MYO3B: variants seen among roughly 807,000 people sequenced by gnomAD.
MYO3B encodes the protein myosin-IIIb.
Under a neutral mutation model 174.6 loss-of-function variants are expected in MYO3B, and 156 were observed. That is an observed-to-expected ratio of 0.89 (90% CI 0.78 to 1.02). The LOEUF (loss-of-function observed/expected upper bound fraction) is 1.02, where lower values mean the gene tolerates loss of function less well. MYO3B is among the 50% of genes least tolerant of loss of function. The pLI is 0.00. For synonymous variants in MYO3B, 563 were observed against 569.1 expected (o/e 0.99, Z 0.15); for missense variants, 1,632 against 1,639.4 (o/e 1.00, Z 0.08).
chr2:170,499,933 CCCTTCCTTCCTTCCTTCTTT>C (rs529587493), intron 27 of MYO3B, 125 bp downstream of exon 27: 8,164 of 696,714 alleles, frequency 0.012, 74 homozygotes, highest in Non-Finnish European at 0.015. Context: ...CTCCCTCCCT[CCCTTCCTTCCTTCCTTCTTT>C]CCTTCCTTCC....
At chr2:170,499,536 A>G (rs1687088675) in intron 26 of MYO3B, 110 bp from the exon 27 acceptor site, 1 of 1,000,590 alleles carries the variant, frequency 1.0e-6, no homozygotes, top group African/African-American at 1.7e-5. Context: ...ACATCGCTAT[A>G]AACTTTATTT....
At chr2:170,195,047 C>T (rs2092583323) in intron 1 of MYO3B, among the ~76,000 whole-genome samples, 1 of 151,914 alleles carries the variant, frequency 6.6e-6, no homozygotes, top group Non-Finnish European at 1.5e-5. Context: ...TTAGATGGTC[C>T]CACCTAGATT....
chr2:170,483,442 A>G (rs898346630), intron 25 of MYO3B, among the ~76,000 whole-genome samples: 1 of 100,690 alleles, frequency 9.9e-6, no homozygotes, highest in African/African-American at 6.8e-5. Context: ...GCTGGAGTGC[A>G]GTGGCGCGAT....
chr2:170,572,479 G>A (rs4668282), intron 32 of MYO3B, among the ~76,000 whole-genome samples: 9,377 of 151,486 alleles, frequency 0.062, 483 homozygotes, highest in East Asian at 0.25. Context: ...GCTGAGTGTG[G>A]TGGTGTGCTC....
Position 170,463,412 on chromosome 2 carries a change from C to A in MYO3B, c.2775C>A (p.Asn925Lys). 6.2e-7 allele frequency: 1 copy of A among 1,614,156 alleles called. No individual in the cohort carries two copies. The highest frequency in any genetic ancestry group is 8.5e-7 in the Non-Finnish European group (1 of 1,180,036). ...EVIRHPEETT[N>K]MKRQTVASYF... ...TACGGCATCCGGAAGAAACCACCAA[C>A]ATGAAGAGGCAAACTGTGGCTTCTT... Residue 925 changes from asparagine to lysine, a missense_variant, in exon 24 of 35, where the codon AAC becomes AAA. Asn to Lys is a moderately conservative substitution (Grantham distance 94). Coordinates refer to ENST00000408978, the MANE Select transcript of MYO3B (RefSeq NM_138995.5).
At chr2:170,511,206 C>T (rs535682735) in intron 28 of MYO3B, among the ~76,000 whole-genome samples, 2 of 151,786 alleles carry the variant, frequency 1.3e-5, no homozygotes, top group Non-Finnish European at 2.9e-5. Flanking sequence ...ACTACAGGCG[C>T]CCGCCACCAC....
intron 18 of MYO3B, 54 bp from the exon 19 acceptor site, chr2:170,402,794 T>G (rs971355606): frequency 1.3e-6 from 2 of 1,518,568 alleles, no homozygotes; most frequent in African/African-American, 2.7e-5. Flanking sequence ...ATTCTCATCC[T>G]CTTTAGGTGG....
intron 16 of MYO3B, among the ~76,000 whole-genome samples, chr2:170,396,735 C>T (rs1313490294): frequency 1.3e-5 from 2 of 152,236 alleles, no homozygotes; most frequent in East Asian, 3.9e-4. Flanking sequence ...TAGTCTTTGA[C>T]AGTCATTTTC....
chr2:170,357,647 T>A (rs6433197), intron 8 of MYO3B, among the ~76,000 whole-genome samples: 39,280 of 151,932 alleles, frequency 0.26, 5,177 homozygotes, highest in South Asian at 0.34. Context: ...TGTCTTAAGT[T>A]ATTTCTGGAA....
intron 7 of MYO3B, among the ~76,000 whole-genome samples, chr2:170,253,918 G>A (rs2093279532): frequency 6.6e-6 from 1 of 152,044 alleles, no homozygotes; most frequent in Admixed American, 6.6e-5. Context: ...TGATAAGACG[G>A]CTGATTAGAT....
At chr2:170,189,542 G>A (rs1261125907) in intron 1 of MYO3B, among the ~76,000 whole-genome samples, 1 of 151,276 alleles carries the variant, frequency 6.6e-6, no homozygotes, top group Non-Finnish European at 1.5e-5. Flanking sequence ...TGTCTACTCT[G>A]ACTTTATATT....
chr2:170,216,986 A>T (rs943449725), intron 5 of MYO3B, among the ~76,000 whole-genome samples: 1 of 151,482 alleles, frequency 6.6e-6, no homozygotes, highest in Non-Finnish European at 1.5e-5. Context: ...CCTACCTCCT[A>T]TTTTCATATG....
intron 7 of MYO3B, among the ~76,000 whole-genome samples, chr2:170,280,127 G>A (rs1317255070): frequency 1.3e-5 from 2 of 152,094 alleles, no homozygotes; most frequent in Admixed American, 1.3e-4. Flanking sequence ...GCCAGCATCT[G>A]TTATTTGACT....
chr2:170,618,974 T>G (rs1695649783), intron 32 of MYO3B, among the ~76,000 whole-genome samples: 1 of 152,184 alleles, frequency 6.6e-6, no homozygotes, highest in South Asian at 2.1e-4. Flanking sequence ...TAGCAAGATA[T>G]TAATCAGCAG....
At chr2:170,434,373 G>T (rs536977552) in intron 22 of MYO3B, among the ~76,000 whole-genome samples, 8 of 152,262 alleles carry the variant, frequency 5.3e-5, no homozygotes, top group South Asian at 4.1e-4. Context: ...GCAAGGCAAG[G>T]TACTTCTGTA....
At chr2:170,515,092 G>A in intron 29 of MYO3B, 70 bp downstream of exon 29, 1 of 1,304,950 alleles carries the variant, frequency 7.7e-7, no homozygotes, top group Middle Eastern at 1.9e-4. Flanking sequence ...TCCAAAGCTG[G>A]AAGTGATCAC....
chr2:170,373,746 A>G (rs2105703649), intron 9 of MYO3B, among the ~76,000 whole-genome samples: 1 of 152,100 alleles, frequency 6.6e-6, no homozygotes, highest in South Asian at 2.1e-4. Context: ...CTAAGTTGGG[A>G]AAGACACAGA....
intron 24 of MYO3B, among the ~76,000 whole-genome samples, chr2:170,466,247 C>T (rs1467809477): frequency 5.1e-5 from 7 of 136,508 alleles, no homozygotes; most frequent in Admixed American, 2.1e-4. Flanking sequence ...TACAGGATAA[C>T]CTAGATAGAG....
chr2:170,603,400 C>A (rs935996909), intron 32 of MYO3B, among the ~76,000 whole-genome samples: 1 of 152,074 alleles, frequency 6.6e-6, no homozygotes, highest in Non-Finnish European at 1.5e-5. Flanking sequence ...CTATATAAGC[C>A]ATTTGATAGC....
Sources: gnomAD v4.1 joint callset for allele counts (sites outside exome capture counted in the v4.1 genomes callset) on GRCh38, gnomAD v4.1.1 for gene constraint, MANE v1.5 for transcripts, NCBI Gene and HGNC (gene_info 2026-07-23, HGNC 2026-07-21) for gene names.